The following RNF175 variants were observed in gnomAD, a reference collection of about 807,000 sequenced individuals.
RNF175 encodes ring finger protein 175.
A neutral mutation model predicts 50.0 loss-of-function variants in RNF175; 38 were observed. The ratio of observed to expected loss-of-function variants is 0.76; its 90% CI spans 0.59 to 1.00. The LOEUF (loss-of-function observed/expected upper bound fraction) is 1.00, where lower values mean the gene tolerates loss of function less well. Ranked by LOEUF, RNF175 falls within the 50% of genes least tolerant of loss-of-function variation. The pLI is 0.00. For synonymous variants in RNF175, 155 were observed against 146.1 expected (o/e 1.06, Z -0.44); for missense variants, 388 against 409.6 (o/e 0.95, Z 0.46).
chr4:153,710,850 T>C (rs2085464432), intron 8 of RNF175, among the ~76,000 whole-genome samples: 1 of 152,228 alleles, frequency 6.6e-6, no homozygotes, highest in African/African-American at 2.4e-5. Context: ...TGGGCTTTCC[T>C]GTAGTCATAC....
intron 5 of RNF175, among the ~76,000 whole-genome samples, chr4:153,721,950 A>G (rs1738364022): frequency 6.6e-6 from 1 of 152,242 alleles, no homozygotes; most frequent in Non-Finnish European, 1.5e-5. Context: ...CTCCTGCTCC[A>G]AAAGTTTTAT....
intron 4 of RNF175, chr4:153,727,850 C>G (rs1298124698): frequency 6.4e-6 from 1 of 156,392 alleles, no homozygotes; most frequent in Non-Finnish European, 1.4e-5. Flanking sequence ...AACTCTTGCT[C>G]TATTTTAAAA....
chr4:153,749,905 A>G (rs1740197087), intron 2 of RNF175, among the ~76,000 whole-genome samples: 1 of 152,152 alleles, frequency 6.6e-6, no homozygotes, highest in East Asian at 1.9e-4. Context: ...TGAGAAAATA[A>G]ATTTCTGATT....
chr4:153,741,319 C>T (rs72731670), intron 3 of RNF175, among the ~76,000 whole-genome samples: 26,715 of 152,070 alleles, frequency 0.18, 3,062 homozygotes, highest in Non-Finnish European at 0.25. Context: ...TCAGAGTGGT[C>T]ACTTTTCCCC....
At chr4:153,729,107 G>C (rs763361966) in intron 3 of RNF175, among the ~76,000 whole-genome samples, 1 of 152,180 alleles carries the variant, frequency 6.6e-6, no homozygotes, top group Admixed American at 6.5e-5. Flanking sequence ...CCTACTCCTC[G>C]AAGCAGGCCT....
chr4:153,729,687 T>C, intron 3 of RNF175: 1 of 985,320 alleles, frequency 1.0e-6, no homozygotes, highest in African/African-American at 1.7e-5. Flanking sequence ...TCTCCTTTGA[T>C]TGCTCCATCC....
chr4:153,747,377 T>C (rs1392374927), intron 3 of RNF175, among the ~76,000 whole-genome samples: 3 of 152,230 alleles, frequency 2.0e-5, no homozygotes, highest in Non-Finnish European at 2.9e-5. Flanking sequence ...TCCTTCAATA[T>C]ATTGCTTAGA....
At position 153,719,283 on chromosome 4, in the gene RNF175, TCTCATTCTTTATTATGG is replaced by T. The variant is rs554918296; in HGVS notation, c.630+884_630+900del. 2.7e-3 allele frequency among the ~76,000 whole-genome samples: 412 copies of T among 152,310 alleles called. 4 individuals carry two copies. The highest frequency in any genetic ancestry group is 9.5e-3 in the African/African-American group (395 of 41,582). The stretch of plus-strand genomic sequence containing the variant: ...ATCCAAGTCCCTGCAAAGGACATTA[TCTCATTCTTTATTATGG>T]CTGCATAGTATTCCATGGTGTATAC... On this transcript the variant is annotated intron_variant, in intron 6 of 8. Coordinates refer to ENST00000347063, the MANE Select transcript of RNF175 (RefSeq NM_173662.4).
At chr4:153,721,042 C>G (rs1738306217) in intron 5 of RNF175, among the ~76,000 whole-genome samples, 1 of 152,154 alleles carries the variant, frequency 6.6e-6, no homozygotes, top group Non-Finnish European at 1.5e-5. Context: ...AAGCTCACAT[C>G]TTGAAGCCCT....
Position 153,715,541 on chromosome 4 carries a change from G to A in RNF175, c.752C>T (p.Ser251Phe), listed in dbSNP as rs1038153687. ...EGLIENTYQLSCNHVFHEFCI... is the reference protein window; with the variant it reads ...EGLIENTYQLFCNHVFHEFCI... ...TTGAAAAGGATACACATGATTACAG[G>A]AAAGCTGGTAGGTGTTTTCAATGAG... Residue 251 changes from serine to phenylalanine, a missense_variant, in exon 7 of 9, where the codon TCC (serine) becomes TTC (phenylalanine). Transcript: ENST00000347063. The A allele has an allele frequency of 2.5e-6, 4 of 1,598,464 alleles. No homozygotes were observed. Among genetic ancestry groups the A allele is most frequent in the African/African-American group, 2.7e-5 (2 of 74,624 alleles).
intron 3 of RNF175, among the ~76,000 whole-genome samples, chr4:153,744,673 C>T (rs1209451037): frequency 6.6e-6 from 1 of 152,116 alleles, no homozygotes; most frequent in East Asian, 1.9e-4. Flanking sequence ...CATGAGGACT[C>T]TAGAAATTTT....
chr4:153,750,779 A>G (rs1295379118), intron 2 of RNF175, among the ~76,000 whole-genome samples: 1 of 152,046 alleles, frequency 6.6e-6, no homozygotes, highest in Admixed American at 6.6e-5. Context: ...TTAATATTCT[A>G]TATAATTAAC....
intron 4 of RNF175, among the ~76,000 whole-genome samples, chr4:153,723,801 G>T (rs771158902): frequency 6.6e-6 from 1 of 152,150 alleles, no homozygotes; most frequent in Non-Finnish European, 1.5e-5. Flanking sequence ...TGGTCCTAGG[G>T]TTAACCTTGA....
At chr4:153,734,791 T>C (rs1739262324) in intron 3 of RNF175, among the ~76,000 whole-genome samples, 1 of 145,914 alleles carries the variant, frequency 6.9e-6, no homozygotes, top group Admixed American at 7.1e-5. Flanking sequence ...TTCTCCTGCC[T>C]CAGCCTCCCG....
At chr4:153,724,291 G>A (rs1402165926) in intron 4 of RNF175, among the ~76,000 whole-genome samples, 1 of 152,250 alleles carries the variant, frequency 6.6e-6, no homozygotes, top group Non-Finnish European at 1.5e-5. Context: ...TGGGGGAAGA[G>A]GTTGGGAGCC....
chr4:153,751,429 ATTAC>A lies in RNF175; in HGVS notation c.104+5_104+8del, dbSNP rs1386843451. 3 of 1,530,402 alleles carry A rather than the reference ATTAC, an allele frequency of 2.0e-6. No individual in the cohort carries two copies. The highest frequency in any genetic ancestry group is 1.8e-6 in the Non-Finnish European group (2 of 1,130,778). The allele number at this position is 1,530,402 out of a possible 1,614,324, so 94.8% of individuals were successfully genotyped here. ...GCAAAACAACTCTTAAAAAATACTA[ATTAC>A]TTACTTCCATGTGTCTTCTGCAGAA... is the stretch of plus-strand genomic sequence containing the variant. On this transcript the variant is annotated splice_donor_5th_base_variant and intron_variant, in intron 2 of 8. Transcript: ENST00000347063.
chr4:153,719,011 C>T lies in RNF175; in HGVS notation c.630+1173G>A, dbSNP rs146846110. On this transcript the variant is annotated intron_variant, in intron 6 of 8. Transcript: ENST00000347063. ...CCAGGATACACATGCAGGTTTGTTG[C>T]ATAGGTAAACATGTACCATGGTGGT... 9.7e-4 allele frequency among the ~76,000 whole-genome samples: 147 copies of T among 152,212 alleles called. 1 individual carries two copies. The highest frequency in any genetic ancestry group is 3.5e-3 in the African/African-American group (144 of 41,538).
chr4:153,715,027 G>C (rs1737816401), intron 7 of RNF175: 1 of 167,170 alleles, frequency 6.0e-6, no homozygotes, highest in Admixed American at 5.7e-5. Context: ...TTCCTCCCTT[G>C]GCTGCCCCCA....
At chr4:153,732,309 G>T (rs754893585) in intron 3 of RNF175, among the ~76,000 whole-genome samples, 2 of 152,064 alleles carry the variant, frequency 1.3e-5, no homozygotes, top group African/African-American at 4.8e-5. Context: ...GGCATACAAA[G>T]GTTCCTTAGA....
Sources: allele counts gnomAD v4.1 joint callset (sites outside exome capture counted in the v4.1 genomes callset), GRCh38; gene constraint gnomAD v4.1.1; transcripts MANE v1.5; gene names NCBI Gene and HGNC (gene_info 2026-07-23, HGNC 2026-07-21).